APPL2: variants seen among roughly 807,000 people sequenced by gnomAD.
The protein encoded by APPL2 is DCC-interacting protein 13-beta.
In APPL2, 84 loss-of-function variants were observed where a neutral mutation model predicts 92.7. The ratio of observed to expected loss-of-function variants is 0.91; its 90% CI spans 0.76 to 1.09. The LOEUF is 1.09. APPL2 is among the 50% of genes least tolerant of loss of function. APPL2 has a pLI of 0.00. For synonymous variants in APPL2, 291 were observed against 291.0 expected (o/e 1.00, Z 0.00); for missense variants, 736 against 824.5 (o/e 0.89, Z 1.31).
intron 17 of APPL2, among the ~76,000 whole-genome samples, chr12:105,187,970 A>G (rs1051891494): frequency 1.4e-5 from 2 of 144,762 alleles, no homozygotes; most frequent in African/African-American, 5.2e-5. Context: ...CTCAGAAATG[A>G]AAAAAAAAAA....
chr12:105,224,638 T>C (rs1451066183), intron 2 of APPL2, among the ~76,000 whole-genome samples: 7 of 152,092 alleles, frequency 4.6e-5, no homozygotes, highest in African/African-American at 1.7e-4. Flanking sequence ...TACAAATACC[T>C]CCCCTCTGTT....
intron 5 of APPL2, 132 bp downstream of exon 5, chr12:105,211,098 A>G (rs1430548683): frequency 7.7e-6 from 5 of 651,314 alleles, no homozygotes; most frequent in Non-Finnish European, 1.3e-5. Flanking sequence ...GTAAAAGTTC[A>G]CTGAATTGAA....
chr12:105,203,921 C>T (rs890903499), intron 8 of APPL2, 136 bp from the exon 9 acceptor site: 1 of 693,964 alleles, frequency 1.4e-6, no homozygotes, highest in Admixed American at 2.3e-5. Flanking sequence ...GGCAGCATCT[C>T]TACTGAGTCT....
intron 2 of APPL2, among the ~76,000 whole-genome samples, chr12:105,225,127 C>CA (rs1319338198): frequency 6.7e-6 from 1 of 148,694 alleles, no homozygotes; most frequent in Admixed American, 6.7e-5. Flanking sequence ...GTTCTCATTT[C>CA]AAAAAAATTC....
intron 10 of APPL2, among the ~76,000 whole-genome samples, chr12:105,198,192 C>T (rs901263031): frequency 9.2e-5 from 14 of 152,122 alleles, no homozygotes; most frequent in African/African-American, 1.2e-4. Context: ...GGGCCGACTC[C>T]CCGCACCACA....
rs111940861 is a variant in APPL2 at position 105,229,719 on chromosome 12, G to A, written c.55-496C>T. On this transcript the variant is annotated intron_variant, in intron 1 of 20. Coordinates refer to ENST00000258530, the MANE Select transcript of APPL2 (RefSeq NM_018171.5). ...TTGTAATCTTGGATGTCTTGCAGGA[G>A]TGTAGGAGTGTGTCATTCTTTCCTC... 362 of 986,602 alleles carry A rather than the reference G, an allele frequency of 3.7e-4. 1 individual carries two copies. The African/African-American group carries it at 5.8e-3, about 16-fold the overall frequency. 61.1% of individuals were successfully genotyped at this position (986,602 alleles called of 1,614,324 possible).
chr12:105,197,987 C>T (rs1167263479), intron 10 of APPL2, 34 bp from the exon 11 acceptor site: 1 of 1,596,304 alleles, frequency 6.3e-7, no homozygotes, highest in East Asian at 2.2e-5. Context: ...CCATTAGTAC[C>T]AGAAAGCACC....
chr12:105,195,128 C>T (rs979628502), intron 14 of APPL2, 133 bp downstream of exon 14: 2 of 836,190 alleles, frequency 2.4e-6, no homozygotes, highest in East Asian at 2.7e-5. Context: ...CCTTTCCCAG[C>T]CATCGTTACT....
rs764247903 is a variant in APPL2 at position 105,178,267 on chromosome 12, T to C, written c.1635-1005A>G. Reference sequence around the variant, plus strand: ...CATGCTATTATGTAAATTATTACTATACATTTTATAGGTGAAAGCAAAAAT... The same window carrying C: ...CATGCTATTATGTAAATTATTACTACACATTTTATAGGTGAAAGCAAAAAT... On this transcript the variant is annotated intron_variant, in intron 17 of 20. Transcript: ENST00000258530. Among the ~76,000 whole-genome samples, 159 of 152,332 alleles carry C rather than the reference T, an allele frequency of 1.0e-3. 1 individual carries two copies. Among genetic ancestry groups the C allele is most frequent in the Non-Finnish European group, 3.2e-4 (22 of 68,030 alleles).
chr12:105,208,134 A>G (rs919122896), intron 6 of APPL2, 24 bp downstream of exon 6: 25 of 1,614,044 alleles, frequency 1.5e-5, no homozygotes, highest in Middle Eastern at 1.6e-4. Flanking sequence ...ACACCCACAC[A>G]CCAGGAATGG....
At chr12:105,209,645 G>T (rs567805017) in intron 5 of APPL2, among the ~76,000 whole-genome samples, 23 of 152,220 alleles carry the variant, frequency 1.5e-4, no homozygotes, top group African/African-American at 5.5e-4. Flanking sequence ...ATTTTATTTA[G>T]AGAAAACCCT....
intron 2 of APPL2, among the ~76,000 whole-genome samples, chr12:105,225,649 T>C (rs561472975): frequency 2.0e-5 from 3 of 152,348 alleles, no homozygotes; most frequent in Admixed American, 2.0e-4. Flanking sequence ...GGTACACTAC[T>C]ACTTTCATTC....
chr12:105,181,872 GCTAGCAGTCTATCA>G (rs1343156123), intron 17 of APPL2, among the ~76,000 whole-genome samples: 2 of 151,870 alleles, frequency 1.3e-5, no homozygotes, highest in Non-Finnish European at 2.9e-5. Context: ...TATTAGTCTG[GCTAGCAGTCTATCA>G]ATTTTGTTAA....
Position 105,221,257 on chromosome 12 carries a change from T to C in APPL2, c.154-3532A>G, listed in dbSNP as rs527297385. 1.2e-3 allele frequency among the ~76,000 whole-genome samples: 183 copies of C among 152,288 alleles called. 2 individuals are homozygous for C. Among genetic ancestry groups the C allele is most frequent in the Admixed American group, 7.8e-4 (12 of 15,288 alleles). The stretch of plus-strand genomic sequence containing the variant: ...GAGTAAATATTAGCAATAACATCAA[T>C]AAAGATAGCTGCTAACCCTGAGTCT... On this transcript the variant is annotated intron_variant, in intron 2 of 20. Coordinates refer to ENST00000258530, the MANE Select transcript of APPL2 (RefSeq NM_018171.5).
chr12:105,235,543 G>T (rs1891176778), intron 1 of APPL2, among the ~76,000 whole-genome samples: 1 of 152,160 alleles, frequency 6.6e-6, no homozygotes, highest in Admixed American at 6.5e-5. Flanking sequence ...AACTTTACAG[G>T]TATTTCTCAT....
At chr12:105,195,088 A>C (rs1302533762) in intron 14 of APPL2, among the ~76,000 whole-genome samples, 173 bp downstream of exon 14, 1 of 152,136 alleles carries the variant, frequency 6.6e-6, no homozygotes, top group Non-Finnish European at 1.5e-5. Context: ...TACCACTCAC[A>C]ATGTGGTGTG....
In APPL2 at chr12:105,190,037, T is replaced by C. The variant is rs1383015970; in HGVS notation, c.1360A>G (p.Ile454Val). The change falls in exon 15 of 21, where the codon ATT (isoleucine) becomes GTT (valine). Residue 454 changes from isoleucine (I) to valine (V), a missense_variant. Transcript: ENST00000258530. ...AGGAATTCTGTAGCAGGAAGCACAATATCGAATTGAATCGGCGTTCCAGGC... is the reference window on the plus strand; with the variant it reads ...AGGAATTCTGTAGCAGGAAGCACAACATCGAATTGAATCGGCGTTCCAGGC... ...IAPGTPIQFD[I>V]VLPATEFLDQ... 6.2e-7 allele frequency: 1 copy of C among 1,614,188 alleles called. No individual in the cohort carries two copies. Among genetic ancestry groups the C allele is most frequent in the South Asian group, 1.1e-5 (1 of 91,086 alleles).
intron 14 of APPL2, among the ~76,000 whole-genome samples, chr12:105,194,019 C>T (rs945143212): frequency 2.0e-5 from 3 of 152,264 alleles, no homozygotes; most frequent in South Asian, 2.1e-4. Context: ...ACCCCGTGCC[C>T]GGCATGTGAA....
At chr12:105,196,423 CTCT>C (rs1482011998) in intron 11 of APPL2, among the ~76,000 whole-genome samples, 50 of 103,636 alleles carry the variant, frequency 4.8e-4, no homozygotes, top group Non-Finnish European at 2.2e-4. Flanking sequence ...GAGGCGTTAA[CTCT>C]TTTTTTTTTT....
Sources: gnomAD v4.1 joint callset for allele counts (sites outside exome capture counted in the v4.1 genomes callset) on GRCh38, gnomAD v4.1.1 for gene constraint, MANE v1.5 for transcripts, NCBI Gene and HGNC (gene_info 2026-07-23, HGNC 2026-07-21) for gene names.